ABCA3: variants seen among roughly 807,000 people sequenced by gnomAD.
The protein encoded by ABCA3 is ATP binding cassette subfamily A member 3.
A neutral mutation model predicts 172.8 loss-of-function variants in ABCA3; 88 were observed. The ratio of observed to expected loss-of-function variants is 0.51; its 90% CI spans 0.43 to 0.61. The LOEUF (loss-of-function observed/expected upper bound fraction) is 0.61. ABCA3 is among the 20% of genes least tolerant of loss of function. ABCA3 has a pLI of 0.00. For missense variants in ABCA3, 2,164 were observed against 2,301.0 expected, an observed-to-expected ratio of 0.94 and a Z score of 1.22; for synonymous variants, 1,066 against 983.8, an observed-to-expected ratio of 1.08 and a Z score of -1.56.
chr16:2,287,067 C>G lies in ABCA3; in HGVS notation c.3005-100G>C. 7.3e-7 allele frequency: 1 copy of G among 1,376,178 alleles called. No homozygotes were observed. The highest frequency in any genetic ancestry group is 1.0e-6 in the Non-Finnish European group (1 of 998,870). 85.2% of individuals were successfully genotyped at this position (1,376,178 alleles called of 1,614,324 possible). ...TAATCAGGGACCCAATAGAGTGGTG[C>G]CAGCATCCTCTGAGCTGCCCGCCCC... On this transcript the variant is annotated intron_variant, in intron 21 of 32. Coordinates refer to ENST00000301732, the MANE Select transcript of ABCA3 (RefSeq NM_001089.3). The surrounding 1 kb of genome is among the most constrained non-coding windows in gnomAD (Gnocchi z 4.1).
intron 32 of ABCA3, 129 bp from the exon 33 acceptor site, chr16:2,276,934 G>C: frequency 1.5e-6 from 2 of 1,361,364 alleles, no homozygotes; most frequent in Non-Finnish European, 2.0e-6. Context: ...CGCCACCCCA[G>C]AGCCCCAGAG....
At chr16:2,335,225 T>G (rs188888997) in intron 1 of ABCA3, among the ~76,000 whole-genome samples, 16 of 152,274 alleles carry the variant, frequency 1.1e-4, no homozygotes, top group African/African-American at 3.8e-4. Flanking sequence ...CTAGACAACC[T>G]GCAGCAGTGA....
chr16:2,309,831 G>GAAACC (rs1198248481), intron 10 of ABCA3, among the ~76,000 whole-genome samples: 1 of 151,966 alleles, frequency 6.6e-6, no homozygotes, highest in Non-Finnish European at 1.5e-5. Flanking sequence ...TTTTGTCAGG[G>GAAACC]CTAGTCTAAA....
chr16:2,297,235 G>A lies in ABCA3; in HGVS notation c.2263+94C>T. On this transcript the variant is annotated intron_variant, in intron 17 of 32. Transcript: ENST00000301732. This position sits in a 1 kb window ranked among gnomAD's most constrained non-coding sequence, Gnocchi z 5.6. ...AGGAAGTCTAGAAAAGGCCACCCCT[G>A]CCTGATCTGAGGGCCCTTCATGAAG... is the stretch of plus-strand genomic sequence containing the variant. The A allele has an allele frequency of 7.1e-7, 1 of 1,417,184 alleles. No homozygotes were observed. Among genetic ancestry groups the A allele is most frequent in the South Asian group, 1.2e-5 (1 of 84,254 alleles). 87.8% of individuals were successfully genotyped at this position (1,417,184 alleles called of 1,614,324 possible).
At chr16:2,299,141 C>T (rs938318996) in intron 14 of ABCA3, among the ~76,000 whole-genome samples, 3 of 145,914 alleles carry the variant, frequency 2.1e-5, no homozygotes, top group African/African-American at 7.5e-5. Flanking sequence ...GCAGGGGTCC[C>T]TGGGGGTCCC....
chr16:2,323,579 G>A lies in ABCA3; in HGVS notation c.557C>T (p.Pro186Leu), dbSNP rs1297025959. 6 of 1,614,144 alleles carry A rather than the reference G, an allele frequency of 3.7e-6. No individual in the cohort carries two copies. The highest frequency in any genetic ancestry group is 3.3e-5 in the Admixed American group (2 of 60,008). Residue 186 changes from proline to leucine, a missense_variant, in exon 7 of 33, where the codon CCG becomes CTG. Coordinates refer to ENST00000301732, the MANE Select transcript of ABCA3 (RefSeq NM_001089.3). ...CCTTGGTCCTGGGTTTGGGAAAAGC[G>A]GGAAAAGGGAAGTAGTGTGCCAGCC... ...TEGWHTTSLF[P>L]LFPNPGPREP...
Position 2,323,684 on chromosome 16 carries a change from T to A in ABCA3, c.452A>T (p.Lys151Ile). ...TGTGTAACTGAACCGTAGGTGATAT[T>A]TCACCTGTGGAAACAAAGAGAAAAC... The part of the protein sequence containing the change: ...HSKEPLPLAV[K>I]YHLRFSYTRR... The change falls in exon 7 of 33, where the codon AAA (lysine) becomes ATA (isoleucine). Residue 151 changes from lysine (K) to isoleucine (I), a missense_variant. Physicochemically the swap from Lys to Ile is moderately radical, Grantham distance 102. This residue lies in a region of ABCA3 where 1,343 missense variants were observed against 1,369.6 expected (regional missense o/e 0.98). Coordinates refer to ENST00000301732, the MANE Select transcript of ABCA3 (RefSeq NM_001089.3). 1.2e-6 allele frequency: 2 copies of A among 1,614,106 alleles called. No individual in the cohort carries two copies. The highest frequency in any genetic ancestry group is 1.7e-6 in the Non-Finnish European group (2 of 1,179,974).
At chr16:2,302,316 G>C (rs1294619420) in intron 12 of ABCA3, among the ~76,000 whole-genome samples, 1 of 151,698 alleles carries the variant, frequency 6.6e-6, no homozygotes, top group Non-Finnish European at 1.5e-5. Context: ...TTCTTAAAAA[G>C]GTAATACTTA....
intron 7 of ABCA3, among the ~76,000 whole-genome samples, chr16:2,323,043 C>T (rs528604833): frequency 7.6e-4 from 116 of 152,294 alleles, no homozygotes; most frequent in Admixed American, 7.5e-3. Flanking sequence ...AGCCAAAAGA[C>T]ACATGAAAAA....
In ABCA3 at chr16:2,299,534, T is replaced by C. The variant is rs959823379; in HGVS notation, c.1612-2A>G. 1 of 1,612,942 alleles carries C rather than the reference T, an allele frequency of 6.2e-7. No homozygotes were observed. The highest frequency in any genetic ancestry group is 1.3e-5 in the African/African-American group (1 of 74,890). On this transcript the variant is annotated splice_acceptor_variant, in intron 13 of 32. Coordinates refer to ENST00000301732, the MANE Select transcript of ABCA3 (RefSeq NM_001089.3). LOFTEE classifies it high-confidence loss of function. ...GTCCTTATTTCCCACCCTGAACACC[T>C]GCAGGAAAGGCAGAGGCTGCCCTGG...
chr16:2,324,493 T>G lies in ABCA3; in HGVS notation c.358A>C (p.Ile120Leu). Residue 120 changes from isoleucine to leucine, a missense_variant, in exon 6 of 33, where the codon ATT becomes CTT. Physicochemically the swap from Ile to Leu is conservative, Grantham distance 5. This residue lies in a region of ABCA3 where 1,343 missense variants were observed against 1,369.6 expected (regional missense o/e 0.98). Transcript: ENST00000301732. Reference sequence around the variant, plus strand: ...CTGGACGAGCAGTTGTCGTACCTAATGTAGTCCTCAAAGTCCTTCTCGGAG... The same window carrying G: ...CTGGACGAGCAGTTGTCGTACCTAAGGTAGTCCTCAAAGTCCTTCTCGGAG... The part of the protein sequence containing the change: ...FPSEKDFEDY[I>L]RYDNCSSSVL... The G allele has an allele frequency of 6.2e-7, 1 of 1,611,076 alleles. No individual in the cohort carries two copies. Among genetic ancestry groups the G allele is most frequent in the Non-Finnish European group, 8.5e-7 (1 of 1,179,922 alleles).
Position 2,284,766 on chromosome 16 carries a change from T to G in ABCA3, c.3703+13A>C, listed in dbSNP as rs1188672260. The G allele has an allele frequency of 4.3e-6, 7 of 1,610,990 alleles. No homozygotes were observed. In the Admixed American group the frequency reaches 8.4e-5, roughly 19 times the overall value. ...ATGGCCATGGGGGCTGCGGGTGGTCTCCAGGTGCCCACCTGGGATGCGCAT... is the reference window on the plus strand; with the variant it reads ...ATGGCCATGGGGGCTGCGGGTGGTCGCCAGGTGCCCACCTGGGATGCGCAT... On this transcript the variant is annotated intron_variant, in intron 24 of 32. Transcript: ENST00000301732. The surrounding 1 kb of genome is among the most constrained non-coding windows in gnomAD (Gnocchi z 5.9).
chr16:2,326,968 C>A (rs1246072050), intron 3 of ABCA3, among the ~76,000 whole-genome samples: 1 of 151,876 alleles, frequency 6.6e-6, no homozygotes, highest in Non-Finnish European at 1.5e-5. Flanking sequence ...AGCCTGGGGG[C>A]AACAGAGTAA....
rs1361601987 is a variant in ABCA3 at position 2,299,899 on chromosome 16, G to C, written c.1611+106C>G. On this transcript the variant is annotated intron_variant, in intron 13 of 32. Transcript: ENST00000301732. ...CTCCTTCAGGGCAGGAGGGAGCAAGGCTCAGAGGGAGCGCCTGACGGGCTA... is the reference window on the plus strand; with the variant it reads ...CTCCTTCAGGGCAGGAGGGAGCAAGCCTCAGAGGGAGCGCCTGACGGGCTA... 1.7e-5 allele frequency: 26 copies of C among 1,530,102 alleles called. No individual in the cohort carries two copies. In the East Asian group the frequency reaches 5.8e-4, roughly 34 times the overall value. The allele number at this position is 1,530,102 out of a possible 1,614,324, so 94.8% of individuals were successfully genotyped here. A position where few individuals can be genotyped will look rare whatever the true frequency, so the allele number is the denominator to read the frequency against.
intron 7 of ABCA3, among the ~76,000 whole-genome samples, chr16:2,321,272 G>A (rs191291506): frequency 1.3e-5 from 2 of 152,168 alleles, no homozygotes; most frequent in African/African-American, 2.4e-5. Flanking sequence ...GACCTGTCAA[G>A]GGCATCGCTC....
Position 2,284,001 on chromosome 16 carries a change from T to G in ABCA3, c.3862+278A>C. ...GCAGGAAGGGTCCTCCCCTGAGCCA[T>G]GGGGGATTCACTCCTCGTGCTAAGC... On this transcript the variant is annotated intron_variant, in intron 25 of 32. Transcript: ENST00000301732. The surrounding 1 kb of genome is among the most constrained non-coding windows in gnomAD (Gnocchi z 5.9). 1.0e-5 allele frequency: 4 copies of G among 397,012 alleles called. No homozygotes were observed. The highest frequency in any genetic ancestry group is 3.8e-5 in the Admixed American group (1 of 26,480). 24.6% of individuals were successfully genotyped at this position (397,012 alleles called of 1,614,324 possible). A position where few individuals can be genotyped will look rare whatever the true frequency, so the allele number is the denominator to read the frequency against.
intron 7 of ABCA3, 196 bp downstream of exon 7, chr16:2,323,327 A>G (rs1396526376): frequency 1.4e-6 from 1 of 692,570 alleles, no homozygotes; most frequent in Non-Finnish European, 2.5e-6. Context: ...AGGATTATAA[A>G]TCATGCTGCT....
intron 1 of ABCA3, among the ~76,000 whole-genome samples, chr16:2,333,723 C>A (rs1263677331): frequency 6.8e-6 from 1 of 147,670 alleles, no homozygotes; most frequent in Non-Finnish European, 1.5e-5. Context: ...GAGTCTCACT[C>A]TGTTGCCCAG....
chr16:2,299,096 TC>T (rs1429491771), intron 14 of ABCA3, among the ~76,000 whole-genome samples: 4 of 119,616 alleles, frequency 3.3e-5, no homozygotes, highest in African/African-American at 1.3e-4. Context: ...TCCCTGGGGG[TC>T]CCCCTGCATT....
Sources: gnomAD v4.1 joint callset for allele counts (sites outside exome capture counted in the v4.1 genomes callset) on GRCh38, gnomAD v4.1.1 for gene constraint, gnomAD v4.1.1 regional missense constraint, Gnocchi (gnomAD v3.1) non-coding constraint, MANE v1.5 for transcripts, NCBI Gene and HGNC (gene_info 2026-07-23, HGNC 2026-07-21) for gene names.